Variants in GOSR2 observed in about 807,000 individuals in gnomAD.
The protein encoded by GOSR2 is golgi SNAP receptor complex member 2.
Under a neutral mutation model 27.9 loss-of-function variants are expected in GOSR2, and 20 were observed. The observed-to-expected ratio is 0.72, with a 90% CI of 0.50 to 1.04. The LOEUF (loss-of-function observed/expected upper bound fraction) is 1.04, where lower values mean the gene tolerates loss of function less well. Ranked by LOEUF, GOSR2 falls within the 50% of genes least tolerant of loss-of-function variation. The pLI, the probability that GOSR2 is intolerant of heterozygous loss-of-function variation, is 0.00. For missense variants in GOSR2, 261 were observed against 270.5 expected (o/e 0.97, Z 0.25); for synonymous variants, 91 against 98.8 (o/e 0.92, Z 0.47).
Position 46,939,529 on chromosome 17 carries a change from G to T in GOSR2, c.*769G>T. 2.0e-6 allele frequency: 2 copies of T among 985,654 alleles called. No individual in the cohort carries two copies. The highest frequency in any genetic ancestry group is 2.4e-6 in the Non-Finnish European group (2 of 830,094). The allele number at this position is 985,654 out of a possible 1,614,324, so 61.1% of individuals were successfully genotyped here. ...TCAGAGACTGTGGCTTGGCACCTGC[G>T]CCCAGGCTTTGTGGGCCTTTGCCCC... is the stretch of plus-strand genomic sequence containing the variant. On this transcript the variant is annotated 3_prime_UTR_variant, in exon 6 of 6. Transcript: ENST00000640051.
Position 46,939,131 on chromosome 17 carries a change from C to T in GOSR2, c.*371C>T. 8.7e-7 allele frequency: 1 copy of T among 1,145,414 alleles called. No individual in the cohort carries two copies. The highest frequency in any genetic ancestry group is 2.0e-5 in the South Asian group (1 of 49,808). 71.0% of individuals were successfully genotyped at this position (1,145,414 alleles called of 1,614,324 possible). On this transcript the variant is annotated 3_prime_UTR_variant, in exon 6 of 6. Coordinates refer to ENST00000640051, the MANE Select transcript of GOSR2 (RefSeq NM_004287.5). ...GCAGGACTGTCCACACGGTTCACAC[C>T]TTGTCACCATCAGGCCTTTCTGGCT... is the stretch of plus-strand genomic sequence containing the variant.
At chr17:46,966,646 C>T (rs1351631800) in exon 7 of GOSR2, 2 of 599,374 alleles carry the variant, frequency 3.3e-6, no homozygotes, top group Admixed American at 5.2e-5. Context: ...ACCACCCTGA[C>T]CTCCAAATAC....
chr17:46,933,039 G>C (rs1244426490), intron 4 of GOSR2: 10 of 152,244 alleles, frequency 6.6e-5, no homozygotes, highest in African/African-American at 2.4e-4. Context: ...TGCCAACATA[G>C]TTTTTGCTTC....
At chr17:46,946,592 G>T (rs2089918084), downstream of GOSR2, among the ~76,000 whole-genome samples, 1 of 152,070 alleles carries the variant, frequency 6.6e-6, no homozygotes, top group East Asian at 1.9e-4. Flanking sequence ...GCCAGGCATG[G>T]TGGCTCCCAC....
intron 1 of GOSR2, chr17:46,923,725 C>A: frequency 2.2e-6 from 1 of 464,486 alleles, no homozygotes; most frequent in Non-Finnish European, 3.5e-6. Context: ...GTAGCATTCA[C>A]TATTATTACT....
intron 1 of GOSR2, among the ~76,000 whole-genome samples, chr17:46,926,939 A>G (rs2086589893): frequency 3.3e-5 from 5 of 152,228 alleles, no homozygotes; most frequent in Admixed American, 6.5e-5. Context: ...CTGCTGGGTC[A>G]TAGCATGGAC....
intron 1 of GOSR2, among the ~76,000 whole-genome samples, chr17:46,926,369 G>A (rs1027301609): frequency 6.6e-6 from 1 of 152,114 alleles, no homozygotes; most frequent in Non-Finnish European, 1.5e-5. Flanking sequence ...GATGTTATGG[G>A]GTGGTGGGGG....
At chr17:46,974,583 A>T (rs1389413436) in intron 6 of GOSR2, among the ~76,000 whole-genome samples, 1 of 152,026 alleles carries the variant, frequency 6.6e-6, no homozygotes, top group Non-Finnish European at 1.5e-5. Context: ...AAATACAAAA[A>T]ATTAGCTGGG....
At chr17:46,923,294 G>A in intron 1 of GOSR2, 73 bp downstream of exon 1, 1 of 1,548,572 alleles carries the variant, frequency 6.5e-7, no homozygotes, top group Non-Finnish European at 8.7e-7. Flanking sequence ...TGGGGCTGAG[G>A]CCTCGGACGT....
intron 4 of GOSR2, chr17:46,933,723 A>G (rs2087777987): frequency 6.6e-6 from 1 of 150,700 alleles, no homozygotes; most frequent in African/African-American, 2.4e-5. Context: ...CTGTGATCCC[A>G]GCACTTTGGG....
At chr17:46,935,801 C>T in intron 5 of GOSR2, 1 of 986,670 alleles carries the variant, frequency 1.0e-6, no homozygotes, top group Non-Finnish European at 1.2e-6. Context: ...TTTACAGAAA[C>T]ATTACACAGA....
chr17:46,957,472 G>A (rs1438640306), intron 6 of GOSR2, among the ~76,000 whole-genome samples: 2 of 152,166 alleles, frequency 1.3e-5, no homozygotes, highest in Admixed American at 6.5e-5. Context: ...AACTAGCCAG[G>A]TGTGGTGGTG....
intron 6 of GOSR2, among the ~76,000 whole-genome samples, chr17:46,957,517 G>A (rs1182484512): frequency 6.6e-6 from 1 of 152,162 alleles, no homozygotes; most frequent in African/African-American, 2.4e-5. Context: ...GGAGGCTGAG[G>A]CAGGAGAATT....
chr17:46,930,029 G>T, intron 2 of GOSR2: 1 of 151,478 alleles, frequency 6.6e-6, no homozygotes. Context: ...GAAGCATGCT[G>T]GTTTTTTGTT....
chr17:46,965,231 C>T (rs1455702799), intron 6 of GOSR2, among the ~76,000 whole-genome samples: 1 of 152,226 alleles, frequency 6.6e-6, no homozygotes, highest in Non-Finnish European at 1.5e-5. Flanking sequence ...ACTGCAATTG[C>T]AAACCTGTCC....
chr17:46,941,987 A>G lies in GOSR2; in HGVS notation c.*3227A>G. On this transcript the variant is annotated 3_prime_UTR_variant, in exon 6 of 6. Coordinates refer to ENST00000640051, the MANE Select transcript of GOSR2 (RefSeq NM_004287.5). ...ATTGGTGTAAAGAGCAAAACTTGTT[A>G]AGTCCAAAATAAATTCTTACTGTTT... The G allele has an allele frequency of 4.1e-6, 4 of 981,706 alleles. No homozygotes were observed. The highest frequency in any genetic ancestry group is 4.8e-6 in the Non-Finnish European group (4 of 826,502). 60.8% of individuals were successfully genotyped at this position (981,706 alleles called of 1,614,324 possible).
Position 46,941,409 on chromosome 17 carries a change from G to A in GOSR2, c.*2649G>A. Reference sequence around the variant, plus strand: ...TCGATATTCATTTTTATAACTAATGGCCCCCTTTTTTTATGTTTCTAGGCC... The same window carrying A: ...TCGATATTCATTTTTATAACTAATGACCCCCTTTTTTTATGTTTCTAGGCC... On this transcript the variant is annotated 3_prime_UTR_variant, in exon 6 of 6. Coordinates refer to ENST00000640051, the MANE Select transcript of GOSR2 (RefSeq NM_004287.5). 1 of 982,920 alleles carries A rather than the reference G, an allele frequency of 1.0e-6. No homozygotes were observed. 60.9% of individuals were successfully genotyped at this position (982,920 alleles called of 1,614,324 possible). A position where few individuals can be genotyped will look rare whatever the true frequency, so the allele number is the denominator to read the frequency against.
chr17:46,938,570 G>T (rs562918133), intron 5 of GOSR2, 29 bp from the exon 6 acceptor site: 9 of 1,578,754 alleles, frequency 5.7e-6, no homozygotes, highest in Admixed American at 1.7e-5. Flanking sequence ...CTTGATGTTT[G>T]TTTTTTTTTC....
intron 5 of GOSR2, chr17:46,935,457 G>C: frequency 7.2e-7 from 1 of 1,384,382 alleles, no homozygotes; most frequent in East Asian, 2.6e-5. Flanking sequence ...TACTACGAGG[G>C]GTCCAATCAC....
Sources: allele counts gnomAD v4.1 joint callset (sites outside exome capture counted in the v4.1 genomes callset), GRCh38; gene constraint gnomAD v4.1.1; transcripts MANE v1.5; gene names NCBI Gene and HGNC (gene_info 2026-07-23, HGNC 2026-07-21).